Variants in SULT4A1 observed in about 807,000 individuals in gnomAD.
SULT4A1 encodes sulfotransferase 4A1.
Under a neutral mutation model 35.2 loss-of-function variants are expected in SULT4A1, and 11 were observed. The ratio of observed to expected loss-of-function variants is 0.31; its 90% CI spans 0.20 to 0.52. The LOEUF (loss-of-function observed/expected upper bound fraction) is 0.52. Ranked by LOEUF, SULT4A1 falls within the 20% of genes least tolerant of loss-of-function variation. The pLI is 0.97. For missense variants in SULT4A1, 271 were observed against 383.7 expected, an observed-to-expected ratio of 0.71 and a Z score of 2.45; for synonymous variants, 152 against 151.8, an observed-to-expected ratio of 1.00 and a Z score of -0.01.
At position 43,850,853 on chromosome 22, in the gene SULT4A1, A is replaced by T. The variant is rs536230603; in HGVS notation, c.170-8921T>A. On this transcript the variant is annotated intron_variant, in intron 1 of 6. Transcript: ENST00000330884. ...CCGTCATCCTGTCTTCTCACTGCCG[A>T]TGGTGCCGCTGAGATCCTGGGGGCC... is the stretch of plus-strand genomic sequence containing the variant. 2.0e-5 allele frequency among the ~76,000 whole-genome samples: 3 copies of T among 151,570 alleles called. No homozygotes were observed. In the East Asian group the frequency reaches 5.9e-4, roughly 30 times the overall value.
At chr22:43,853,504 C>A (rs2049367243) in intron 1 of SULT4A1, among the ~76,000 whole-genome samples, 1 of 152,206 alleles carries the variant, frequency 6.6e-6, no homozygotes, top group Non-Finnish European at 1.5e-5. Flanking sequence ...ACTGGCCGTG[C>A]CTCCCTCCTC....
At chr22:43,831,777 G>A (rs1485433517) in intron 5 of SULT4A1, among the ~76,000 whole-genome samples, 5 of 152,264 alleles carry the variant, frequency 3.3e-5, no homozygotes, top group Non-Finnish European at 5.9e-5. Flanking sequence ...AACCGCGGTG[G>A]CCTCTGGGAA....
At chr22:43,832,015 C>A (rs1603404341) in intron 5 of SULT4A1, among the ~76,000 whole-genome samples, 1 of 152,220 alleles carries the variant, frequency 6.6e-6, no homozygotes, top group African/African-American at 2.4e-5. Context: ...TGTCACCTCC[C>A]CACTTTACAG....
intron 1 of SULT4A1, among the ~76,000 whole-genome samples, chr22:43,852,031 T>A (rs1422176813): frequency 1.3e-5 from 2 of 152,162 alleles, no homozygotes; most frequent in Non-Finnish European, 2.9e-5. Flanking sequence ...ATCCCTTTAT[T>A]GTCACTTTAG....
intron 1 of SULT4A1, among the ~76,000 whole-genome samples, chr22:43,854,919 G>T (rs1198552773): frequency 1.3e-5 from 2 of 152,238 alleles, no homozygotes; most frequent in African/African-American, 4.8e-5. Flanking sequence ...CCTGAGAGAG[G>T]CGACAGTCAT....
At chr22:43,846,456 T>C (rs2063477704) in intron 1 of SULT4A1, among the ~76,000 whole-genome samples, 1 of 152,220 alleles carries the variant, frequency 6.6e-6, no homozygotes, top group Non-Finnish European at 1.5e-5. Context: ...GCTCAATTCA[T>C]ATTTCCTGAG....
intron 1 of SULT4A1, among the ~76,000 whole-genome samples, chr22:43,858,820 T>C (rs765191778): frequency 6.6e-6 from 1 of 152,022 alleles, no homozygotes; most frequent in Non-Finnish European, 1.5e-5. Flanking sequence ...CATTTTCACA[T>C]CTATAAAAAG....
chr22:43,839,861 G>A (rs1188946080), intron 3 of SULT4A1, 84 bp downstream of exon 3: 1 of 1,323,766 alleles, frequency 7.6e-7, no homozygotes, highest in Non-Finnish European at 1.1e-6. Context: ...GTAAGTGCCA[G>A]GGACCTGCAT....
intron 6 of SULT4A1, chr22:43,827,781 A>ACACACACG (rs1429699226): frequency 7.0e-5 from 30 of 427,372 alleles, no homozygotes; most frequent in African/African-American, 5.6e-4. Context: ...ACACACACAC[A>ACACACACG]CGTGAACCAA....
intron 4 of SULT4A1, among the ~76,000 whole-genome samples, chr22:43,837,749 C>G (rs2148286052): frequency 6.6e-6 from 1 of 152,294 alleles, no homozygotes. Flanking sequence ...CAAGAGGTCC[C>G]CTTCAACCAG....
intron 1 of SULT4A1, among the ~76,000 whole-genome samples, chr22:43,843,693 G>C (rs1038563694): frequency 6.6e-6 from 1 of 152,234 alleles, no homozygotes; most frequent in African/African-American, 2.4e-5. Context: ...CCTGGAGGGT[G>C]GCTTGCCCAG....
rs138070 is a variant in SULT4A1 at position 43,833,628 on chromosome 22, G to C, written c.603+12C>G. 117 of 1,585,628 alleles carry C rather than the reference G, an allele frequency of 7.4e-5. 1 individual carries two copies. In the East Asian group the frequency reaches 1.4e-3, roughly 19 times the overall value. On this transcript the variant is annotated intron_variant, in intron 5 of 6. Transcript: ENST00000330884. ...AGGGCACCCGGAGGACAGCTGCTCCGGCAGCACTCACCCGATGCATGTCTT... is the reference window on the plus strand; with the variant it reads ...AGGGCACCCGGAGGACAGCTGCTCCCGCAGCACTCACCCGATGCATGTCTT...
At chr22:43,854,709 GC>G (rs1280635582) in intron 1 of SULT4A1, among the ~76,000 whole-genome samples, 2 of 152,094 alleles carry the variant, frequency 1.3e-5, no homozygotes, top group Non-Finnish European at 2.9e-5. Context: ...GTTGGCACCT[GC>G]CCCCCACACG....
At chr22:43,859,704 C>T (rs1455482503) in intron 1 of SULT4A1, among the ~76,000 whole-genome samples, 1 of 152,226 alleles carries the variant, frequency 6.6e-6, no homozygotes, top group East Asian at 1.9e-4. Context: ...CTGTCTGGAT[C>T]ACGGTTTTAC....
At chr22:43,836,749 C>T (rs2063379823) in intron 4 of SULT4A1, among the ~76,000 whole-genome samples, 1 of 151,398 alleles carries the variant, frequency 6.6e-6, no homozygotes, top group Non-Finnish European at 1.5e-5. Flanking sequence ...GCAGGTGCCA[C>T]AGGGACCCTG....
In SULT4A1 at chr22:43,829,142, C is replaced by T. The variant is rs1045893919; in HGVS notation, c.660G>A (p.Lys220=). 6.4e-7 allele frequency: 1 copy of T among 1,562,778 alleles called. No individual in the cohort carries two copies. The highest frequency in any genetic ancestry group is 8.7e-7 in the Non-Finnish European group (1 of 1,153,628). Residue 220 remains lysine, a synonymous_variant, in exon 6 of 7, where the codon AAG becomes AAA. Coordinates refer to ENST00000330884, the MANE Select transcript of SULT4A1 (RefSeq NM_014351.4). The stretch of plus-strand genomic sequence containing the variant: ...GCTCCGTCAGGGCTTCCAGCTGGGC[C>T]TTGTCACAGGACACCCCCAGGAATC... ...LARFLGVSCD[K]AQLEALTEHC...
At chr22:43,830,025 C>T (rs1407799960) in intron 5 of SULT4A1, among the ~76,000 whole-genome samples, 3 of 152,348 alleles carry the variant, frequency 2.0e-5, no homozygotes, top group Non-Finnish European at 4.4e-5. Context: ...TGGGAGTCAG[C>T]TGGTGTGGGC....
chr22:43,841,609 G>A (rs1463643344), intron 2 of SULT4A1, among the ~76,000 whole-genome samples, 193 bp downstream of exon 2: 3 of 152,124 alleles, frequency 2.0e-5, no homozygotes, highest in Admixed American at 6.5e-5. Flanking sequence ...CCCTGACGCT[G>A]ATGTGTCACC....
At chr22:43,834,247 T>C (rs2063347328) in intron 4 of SULT4A1, among the ~76,000 whole-genome samples, 1 of 151,946 alleles carries the variant, frequency 6.6e-6, no homozygotes, top group Non-Finnish European at 1.5e-5. Context: ...AGTCCTGTCC[T>C]GACCTCCAAG....
Sources: gnomAD v4.1 joint callset for allele counts (sites outside exome capture counted in the v4.1 genomes callset) on GRCh38, gnomAD v4.1.1 for gene constraint, MANE v1.5 for transcripts, NCBI Gene and HGNC (gene_info 2026-07-23, HGNC 2026-07-21) for gene names.